The following TPD52L1 variants were observed in gnomAD, a reference collection of about 807,000 sequenced individuals.
TPD52L1 encodes the protein TPD52 like 1.
Under a neutral mutation model 28.7 loss-of-function variants are expected in TPD52L1, and 18 were observed. The observed-to-expected ratio is 0.63, with a 90% CI of 0.43 to 0.93. The LOEUF is 0.93. Among genes scored for constraint, TPD52L1 ranks in the 40% least tolerant of loss-of-function variants. The pLI is 0.00. For missense variants in TPD52L1, 203 were observed against 254.8 expected (o/e 0.80, Z 1.39); for synonymous variants, 75 against 88.8 (o/e 0.84, Z 0.88).
At chr6:125,242,115 A>G (rs1187078785) in intron 3 of TPD52L1, among the ~76,000 whole-genome samples, 1 of 152,034 alleles carries the variant, frequency 6.6e-6, no homozygotes, top group East Asian at 1.9e-4. Context: ...TTTAATATCT[A>G]TATATTTGTA....
intron 1 of TPD52L1, among the ~76,000 whole-genome samples, chr6:125,176,918 G>A (rs1791858130): frequency 6.6e-6 from 1 of 152,062 alleles, no homozygotes; most frequent in African/African-American, 2.4e-5. Flanking sequence ...TGTGCCTGAA[G>A]TCCCAGCTGC....
chr6:125,217,198 C>T (rs557162077), intron 1 of TPD52L1, among the ~76,000 whole-genome samples: 4 of 152,184 alleles, frequency 2.6e-5, no homozygotes, highest in South Asian at 2.1e-4. Flanking sequence ...GAACTGGTTT[C>T]GTGGAAGATA....
chr6:125,200,387 T>G (rs1793727859), intron 1 of TPD52L1, among the ~76,000 whole-genome samples: 1 of 152,236 alleles, frequency 6.6e-6, no homozygotes, highest in Admixed American at 6.5e-5. Context: ...AGACAAAAGA[T>G]ATACATGGTT....
At chr6:125,172,323 T>A (rs1320807418) in intron 1 of TPD52L1, among the ~76,000 whole-genome samples, 1 of 139,898 alleles carries the variant, frequency 7.1e-6, no homozygotes, top group African/African-American at 2.7e-5. Flanking sequence ...TTAGACAGAG[T>A]CTTTCTCGTC....
intron 1 of TPD52L1, among the ~76,000 whole-genome samples, chr6:125,173,181 G>T (rs1050828028): frequency 9.9e-5 from 15 of 152,258 alleles, no homozygotes; most frequent in African/African-American, 3.6e-4. Flanking sequence ...GTTCACAGAA[G>T]GAATCCAAGA....
At chr6:125,211,460 G>A (rs992058573) in intron 1 of TPD52L1, among the ~76,000 whole-genome samples, 1 of 152,184 alleles carries the variant, frequency 6.6e-6, no homozygotes, top group Non-Finnish European at 1.5e-5. Flanking sequence ...AGTCTGTGCT[G>A]CAATATGTAG....
intron 1 of TPD52L1, among the ~76,000 whole-genome samples, chr6:125,218,863 C>T (rs953113596): frequency 1.6e-4 from 24 of 152,194 alleles, no homozygotes; most frequent in African/African-American, 5.5e-4. Flanking sequence ...ATTAGGCTTG[C>T]AGACACTTTG....
intron 3 of TPD52L1, among the ~76,000 whole-genome samples, chr6:125,230,902 G>C (rs1032483666): frequency 1.2e-4 from 18 of 152,040 alleles, no homozygotes; most frequent in African/African-American, 3.9e-4. Flanking sequence ...GACAATTACG[G>C]GAAAAAATAA....
chr6:125,174,602 A>C (rs1791708451), intron 1 of TPD52L1, among the ~76,000 whole-genome samples: 1 of 152,220 alleles, frequency 6.6e-6, no homozygotes, highest in Non-Finnish European at 1.5e-5. Flanking sequence ...CTAGGATGAA[A>C]GCTTAAAGAT....
chr6:125,210,594 G>A (rs1235700548), intron 1 of TPD52L1, among the ~76,000 whole-genome samples: 2 of 127,366 alleles, frequency 1.6e-5, no homozygotes, highest in African/African-American at 6.0e-5. Flanking sequence ...TGCATGTAAG[G>A]TATATATGCG....
chr6:125,230,286 G>C (rs979884823), intron 3 of TPD52L1, among the ~76,000 whole-genome samples: 1 of 152,040 alleles, frequency 6.6e-6, no homozygotes, highest in Non-Finnish European at 1.5e-5. Context: ...TGTACCAAAG[G>C]GGAGTACTCC....
intron 1 of TPD52L1, among the ~76,000 whole-genome samples, chr6:125,200,931 A>G (rs988572981): frequency 2.0e-5 from 3 of 152,208 alleles, no homozygotes; most frequent in African/African-American, 7.2e-5. Context: ...AGGGAAATTA[A>G]GGTTTCATTT....
chr6:125,259,230 T>C (rs1232761131), intron 6 of TPD52L1, among the ~76,000 whole-genome samples: 2 of 152,198 alleles, frequency 1.3e-5, no homozygotes, highest in Non-Finnish European at 2.9e-5. Context: ...TGCTTTCAAT[T>C]TGATTTTTGA....
intron 4 of TPD52L1, chr6:125,252,398 A>C (rs1797327170): frequency 4.8e-6 from 1 of 206,992 alleles, no homozygotes; most frequent in Non-Finnish European, 9.5e-6. Flanking sequence ...AACTTCTAGA[A>C]AGTAAAGTTG....
chr6:125,220,739 G>A (rs570934339), intron 2 of TPD52L1, among the ~76,000 whole-genome samples: 1 of 152,342 alleles, frequency 6.6e-6, no homozygotes, highest in African/African-American at 2.4e-5. Flanking sequence ...ATCTTGTGGA[G>A]CTGCTGTGGG....
intron 1 of TPD52L1, among the ~76,000 whole-genome samples, chr6:125,167,666 T>A (rs1219454905): frequency 6.6e-6 from 1 of 152,234 alleles, no homozygotes; most frequent in Non-Finnish European, 1.5e-5. Context: ...GTGCTATTCA[T>A]CAGTCAGAAG....
chr6:125,163,007 G>A (rs1790622478), intron 1 of TPD52L1, among the ~76,000 whole-genome samples: 1 of 152,180 alleles, frequency 6.6e-6, no homozygotes, highest in Admixed American at 6.5e-5. Flanking sequence ...CAGAGAATGA[G>A]CTTAACTACT....
intron 1 of TPD52L1, among the ~76,000 whole-genome samples, chr6:125,161,306 G>A (rs1405985149): frequency 6.6e-6 from 1 of 152,174 alleles, no homozygotes; most frequent in East Asian, 1.9e-4. Context: ...GTTGTGGCTG[G>A]TTTGATCTAT....
At chr6:125,216,412 A>T (rs493296) in intron 1 of TPD52L1, among the ~76,000 whole-genome samples, 43,120 of 151,326 alleles carry the variant, frequency 0.28, 8,783 homozygotes, top group African/African-American at 0.58. Context: ...GACAAAATAA[A>T]GCACAACCAT....
Sources: gnomAD v4.1 joint callset for allele counts (sites outside exome capture counted in the v4.1 genomes callset) on GRCh38, gnomAD v4.1.1 for gene constraint, MANE v1.5 for transcripts, NCBI Gene and HGNC (gene_info 2026-07-23, HGNC 2026-07-21) for gene names.